The following PRELID2 variants were observed in gnomAD, a reference collection of about 807,000 sequenced individuals.
The protein encoded by PRELID2 is PRELI domain containing 2, also known as PRELI domain-containing protein 2.
PRELID2 carries 25 observed loss-of-function variants against 28.4 expected under a neutral mutation model. The ratio of observed to expected loss-of-function variants is 0.88; its 90% CI spans 0.64 to 1.23. The LOEUF (loss-of-function observed/expected upper bound fraction) is 1.23, where lower values mean the gene tolerates loss of function less well. Among genes scored for constraint, PRELID2 ranks in the 50% most tolerant of loss-of-function variants. The pLI, the probability that PRELID2 is intolerant of heterozygous loss-of-function variation, is 0.00. For synonymous variants in PRELID2, 76 were observed against 71.6 expected (o/e 1.06, Z -0.31); for missense variants, 201 against 214.4 (o/e 0.94, Z 0.39).
At chr5:145,617,985 G>A (rs369334443) in intron 1 of PRELID2, among the ~76,000 whole-genome samples, 5 of 152,124 alleles carry the variant, frequency 3.3e-5, no homozygotes, top group East Asian at 1.9e-4. Flanking sequence ...CACCCACCTC[G>A]GCCTCCCAAA....
the PRELID2 span, among the ~76,000 whole-genome samples, chr5:145,449,405 A>C: frequency 1.3e-5 from 2 of 151,986 alleles, no homozygotes; most frequent in African/African-American, 4.8e-5. Flanking sequence ...CCAGTGGCTG[A>C]TCTCTCCAAC....
chr5:145,834,284 G>C (rs6890408), intron 1 of PRELID2, among the ~76,000 whole-genome samples: 1 of 152,064 alleles, frequency 6.6e-6, no homozygotes, highest in Non-Finnish European at 1.5e-5. Context: ...TAGGACTTTA[G>C]TGGTCCCCTC....
the PRELID2 span, among the ~76,000 whole-genome samples, chr5:145,275,584 G>A: frequency 2.6e-5 from 4 of 152,148 alleles, no homozygotes; most frequent in Non-Finnish European, 5.9e-5. Flanking sequence ...AAACAGATTT[G>A]TGCAATGAGT....
chr5:145,399,115 C>A, the PRELID2 span, among the ~76,000 whole-genome samples: 1 of 152,136 alleles, frequency 6.6e-6, no homozygotes. Flanking sequence ...CCTCTCAAAT[C>A]TCCCATATAT....
At chr5:145,494,334 G>A (rs895151377) in intron 1 of PRELID2, among the ~76,000 whole-genome samples, 1 of 152,074 alleles carries the variant, frequency 6.6e-6, no homozygotes, top group Admixed American at 6.6e-5. Context: ...GTGAAAATAG[G>A]CACAAATCAG....
At chr5:145,815,090 T>C (rs1329008043) in intron 4 of PRELID2, among the ~76,000 whole-genome samples, 4 of 152,178 alleles carry the variant, frequency 2.6e-5, no homozygotes, top group African/African-American at 9.7e-5. Context: ...TAGGTTTTCA[T>C]GAGGTCATGA....
At chr5:145,414,767 T>C in the PRELID2 span, among the ~76,000 whole-genome samples, 1 of 152,208 alleles carries the variant, frequency 6.6e-6, no homozygotes, top group African/African-American at 2.4e-5. Flanking sequence ...ACCATATAAG[T>C]ATTTACTTGG....
rs1257450183 is a variant in PRELID2, at chr5:145,710,981, A to C, written n.70+53950T>G. Among the ~76,000 whole-genome samples, 4 of 152,188 alleles carry C rather than the reference A, an allele frequency of 2.6e-5. No homozygotes were observed. In the East Asian group the frequency reaches 7.7e-4, roughly 29 times the overall value. On this transcript the variant is annotated intron_variant and non_coding_transcript_variant, in intron 1 of 2. Transcript: ENST00000510259. ...GAGGATAATATTAGAATAGACAATA[A>C]GTAATCTCTGCCACACATACCATGA...
chr5:145,627,999 A>C (rs997110904), intron 1 of PRELID2, among the ~76,000 whole-genome samples: 3 of 152,206 alleles, frequency 2.0e-5, no homozygotes, highest in Non-Finnish European at 4.4e-5. Flanking sequence ...CCTGTGACCC[A>C]ATAAAAAACA....
At chr5:145,302,151 C>T in the PRELID2 span, among the ~76,000 whole-genome samples, 1 of 150,588 alleles carries the variant, frequency 6.6e-6, no homozygotes, top group African/African-American at 2.4e-5. Context: ...ATTTTTTATT[C>T]AAATTTTTCT....
intron 1 of PRELID2, among the ~76,000 whole-genome samples, chr5:145,641,204 A>G (rs1754101288): frequency 6.6e-6 from 1 of 152,194 alleles, no homozygotes; most frequent in African/African-American, 2.4e-5. Context: ...ACCATCAATA[A>G]GTTAAAACAT....
intron 1 of PRELID2, among the ~76,000 whole-genome samples, chr5:145,586,506 A>C (rs976963977): frequency 1.3e-5 from 2 of 152,130 alleles, no homozygotes; most frequent in Non-Finnish European, 2.9e-5. Flanking sequence ...ACATTGCTTA[A>C]GTGCCCTTCT....
intron 1 of PRELID2, among the ~76,000 whole-genome samples, chr5:145,737,135 A>G (rs1425678798): frequency 6.6e-6 from 1 of 152,122 alleles, no homozygotes; most frequent in African/African-American, 2.4e-5. Flanking sequence ...CAATTATCTT[A>G]CTTTACAAAT....
At chr5:145,546,598 G>A (rs1300013274) in intron 1 of PRELID2, among the ~76,000 whole-genome samples, 7 of 152,068 alleles carry the variant, frequency 4.6e-5, no homozygotes, top group Non-Finnish European at 1.0e-4. Flanking sequence ...TGGCCAGAGG[G>A]ACAAAATCAA....
the PRELID2 span, among the ~76,000 whole-genome samples, chr5:145,337,107 T>TATA: frequency 1.4e-3 from 207 of 149,898 alleles, 1 homozygote; most frequent in East Asian, 5.7e-3. Context: ...AAACTTGAAG[T>TATA]ATAATAATAA....
chr5:145,729,086 C>T lies in PRELID2; in HGVS notation n.70+35845G>A, dbSNP rs538874550. 140 of 593,966 alleles carry T rather than the reference C, an allele frequency of 2.4e-4. No individual in the cohort carries two copies. In the South Asian group the frequency reaches 2.6e-3, roughly 11 times the overall value. The allele number at this position is 593,966 out of a possible 1,614,324, so 36.8% of individuals were successfully genotyped here. On this transcript the variant is annotated intron_variant and non_coding_transcript_variant, in intron 1 of 2. Coordinates refer to the PRELID2 transcript ENST00000510259. ...GAAATTCAAGTAAGCAGAATGTTTG[C>T]TTTCACTTGGTCCCATTGTTACCCT... is the stretch of plus-strand genomic sequence containing the variant.
At chr5:145,241,689 A>G in the PRELID2 span, among the ~76,000 whole-genome samples, 4 of 152,008 alleles carry the variant, frequency 2.6e-5, no homozygotes, top group Admixed American at 2.6e-4. Context: ...TAGAATGTAT[A>G]TTATCCCACA....
chr5:145,248,993 C>T, the PRELID2 span, among the ~76,000 whole-genome samples: 9 of 152,048 alleles, frequency 5.9e-5, no homozygotes, highest in Non-Finnish European at 1.2e-4. Context: ...CTTATATAAC[C>T]TCAATAAATA....
chr5:145,474,379 G>A (rs907688191), intron 1 of PRELID2, among the ~76,000 whole-genome samples: 1 of 152,192 alleles, frequency 6.6e-6, no homozygotes, highest in Non-Finnish European at 1.5e-5. Context: ...CCCAGGCACT[G>A]ATCCCTGAAA....
Sources: gnomAD v4.1 joint callset for allele counts (sites outside exome capture counted in the v4.1 genomes callset) on GRCh38, gnomAD v4.1.1 for gene constraint, MANE v1.5 for transcripts, NCBI Gene and HGNC (gene_info 2026-07-23, HGNC 2026-07-21) for gene names.